AFF1: variants seen among roughly 807,000 people sequenced by gnomAD.
AFF1 encodes the protein ALF transcription elongation factor 1.
AFF1 carries 48 observed loss-of-function variants against 121.7 expected under a neutral mutation model. That is an observed-to-expected ratio of 0.39 (90% confidence interval 0.31 to 0.50). The LOEUF (loss-of-function observed/expected upper bound fraction) is 0.50. Ranked by LOEUF, AFF1 falls within the 20% of genes least tolerant of loss-of-function variation. AFF1 has a pLI of 0.76. For missense variants in AFF1, 1,523 were observed against 1,511.7 expected, an observed-to-expected ratio of 1.01 and a Z score of -0.12; for synonymous variants, 613 against 563.0, an observed-to-expected ratio of 1.09 and a Z score of -1.26.
intron 2 of AFF1, among the ~76,000 whole-genome samples, chr4:87,011,894 G>GT (rs1726802656): frequency 6.6e-6 from 1 of 152,194 alleles, no homozygotes; most frequent in Non-Finnish European, 1.5e-5. Context: ...ACTAACTCAA[G>GT]TGATCTCTCG....
intron 4 of AFF1, among the ~76,000 whole-genome samples, chr4:87,070,295 C>T (rs1721896935): frequency 6.6e-6 from 1 of 152,218 alleles, no homozygotes; most frequent in South Asian, 2.1e-4. Context: ...AGCCACTGCA[C>T]CCAGACCTAA....
chr4:87,115,556 A>G (rs1371358763), intron 12 of AFF1, among the ~76,000 whole-genome samples: 1 of 148,436 alleles, frequency 6.7e-6, no homozygotes, highest in Non-Finnish European at 1.5e-5. Flanking sequence ...GTCATTAAAA[A>G]CAATAGCTTC....
chr4:87,024,677 G>A (rs1041126932), intron 2 of AFF1, among the ~76,000 whole-genome samples: 1 of 152,072 alleles, frequency 6.6e-6, no homozygotes, highest in Non-Finnish European at 1.5e-5. Context: ...TGCAACCTCT[G>A]CCTCCTGGGT....
At position 87,060,255 on chromosome 4, in the gene AFF1, C is replaced by A. The variant is rs113401297; in HGVS notation, c.1059+12661C>A. Among the ~76,000 whole-genome samples, 134 of 152,250 alleles carry A rather than the reference C, an allele frequency of 8.8e-4. 3 individuals are homozygous for A. The highest frequency in any genetic ancestry group is 6.8e-3 in the Middle Eastern group (2 of 294). On this transcript the variant is annotated intron_variant, in intron 4 of 20. Coordinates refer to ENST00000395146, the MANE Select transcript of AFF1 (RefSeq NM_001166693.3). ...TTCAGAATTGAGCCTGGAGATTAATCAGATTGTTTTATGTGCTATAAAAGT... is the reference window on the plus strand; with the variant it reads ...TTCAGAATTGAGCCTGGAGATTAATAAGATTGTTTTATGTGCTATAAAAGT...
intron 4 of AFF1, among the ~76,000 whole-genome samples, chr4:87,051,415 CTTTT>C (rs5860052): frequency 7.1e-6 from 1 of 141,726 alleles, no homozygotes; most frequent in Non-Finnish European, 1.5e-5. Context: ...TTTCCTTTTT[CTTTT>C]TTTTTTTTTT....
intron 2 of AFF1, among the ~76,000 whole-genome samples, chr4:87,041,722 T>A (rs1238305897): frequency 6.6e-6 from 1 of 151,356 alleles, no homozygotes; most frequent in Non-Finnish European, 1.5e-5. Flanking sequence ...TATTGAAAGG[T>A]GATTATTGAC....
At chr4:86,956,132 C>A (rs1053123635) in intron 2 of AFF1, among the ~76,000 whole-genome samples, 3 of 152,168 alleles carry the variant, frequency 2.0e-5, no homozygotes, top group African/African-American at 7.2e-5. Flanking sequence ...AGGTTTCCTG[C>A]ATTTTCAAGT....
At chr4:87,086,727 G>T (rs771882163) in intron 5 of AFF1, among the ~76,000 whole-genome samples, 1 of 152,118 alleles carries the variant, frequency 6.6e-6, no homozygotes, top group Non-Finnish European at 1.5e-5. Flanking sequence ...TACTCTTGAC[G>T]CTGACCCAGA....
intron 1 of AFF1, chr4:86,935,704 A>G (rs1672361591): frequency 2.0e-5 from 3 of 150,678 alleles, no homozygotes; most frequent in Non-Finnish European, 1.5e-5. Flanking sequence ...TGTCGTGGAG[A>G]GAGATGAGGG....
intron 13 of AFF1, 37 bp downstream of exon 13, chr4:87,125,180 G>A: frequency 1.3e-6 from 2 of 1,507,462 alleles, no homozygotes; most frequent in Non-Finnish European, 1.8e-6. Flanking sequence ...AATCTACGGT[G>A]ATCAACACTT....
Position 87,001,207 on chromosome 4 carries a change from C to CTTTTTTTTTTTT in AFF1, c.39-44943_39-44932dup, listed in dbSNP as rs34072831. Among the ~76,000 whole-genome samples the CTTTTTTTTTTTT allele has an allele frequency of 1.2e-3, 71 of 60,316 alleles. 16 individuals carry two copies. Among genetic ancestry groups the CTTTTTTTTTTTT allele is most frequent in the Middle Eastern group, 0.042 (2 of 48 alleles). 39.6% of individuals were successfully genotyped at this position (60,316 alleles called of 152,430 possible). ...TGAGAGGACTGCTTTCCTTTTTCTA[C>CTTTTTTTTTTTT]TTTTTTTTTTTTTTTTTTTTTTTTT... On this transcript the variant is annotated intron_variant, in intron 2 of 20. Transcript: ENST00000395146.
At chr4:87,022,739 T>C (rs1048476824) in intron 2 of AFF1, among the ~76,000 whole-genome samples, 3 of 147,534 alleles carry the variant, frequency 2.0e-5, no homozygotes, top group African/African-American at 7.4e-5. Context: ...TATATATCTG[T>C]GTGTGTGTAT....
intron 17 of AFF1, among the ~76,000 whole-genome samples, chr4:87,131,500 C>G (rs533864947): frequency 1.4e-4 from 21 of 152,314 alleles, no homozygotes; most frequent in Non-Finnish European, 2.8e-4. Context: ...GAAGTGTCCT[C>G]TCCTCTCAGT....
intron 4 of AFF1, among the ~76,000 whole-genome samples, chr4:87,061,673 CTAG>C (rs1424714081): frequency 3.9e-5 from 6 of 152,314 alleles, no homozygotes; most frequent in Non-Finnish European, 7.4e-5. Flanking sequence ...CCAGACCTAA[CTAG>C]GCCCTTGATA....
intron 12 of AFF1, among the ~76,000 whole-genome samples, chr4:87,122,819 G>A (rs964132762): frequency 1.5e-5 from 2 of 134,936 alleles, no homozygotes; most frequent in South Asian, 4.8e-4. Flanking sequence ...AGCCACATAT[G>A]TAATTTAAAC....
intron 2 of AFF1, among the ~76,000 whole-genome samples, chr4:86,998,186 A>G (rs1470333686): frequency 6.6e-6 from 1 of 151,280 alleles, no homozygotes; most frequent in Non-Finnish European, 1.5e-5. Context: ...CCAATGGAAC[A>G]GGGCTCTATT....
At chr4:87,049,991 G>A (rs1354434212) in intron 4 of AFF1, among the ~76,000 whole-genome samples, 3 of 152,254 alleles carry the variant, frequency 2.0e-5, no homozygotes, top group African/African-American at 7.2e-5. Flanking sequence ...AGCAAAATGG[G>A]TATTTTTGAA....
At chr4:86,998,625 CTGTT>C (rs921574386) in intron 2 of AFF1, among the ~76,000 whole-genome samples, 8 of 152,018 alleles carry the variant, frequency 5.3e-5, no homozygotes, top group Non-Finnish European at 8.8e-5. Flanking sequence ...TGTATTGTAC[CTGTT>C]TTTTTTTCCT....
intron 6 of AFF1, among the ~76,000 whole-genome samples, chr4:87,091,126 C>T (rs558679490): frequency 4.6e-5 from 7 of 151,754 alleles, no homozygotes; most frequent in Middle Eastern, 3.4e-3. Flanking sequence ...ACTCATGGAC[C>T]GGGCATGGTG....
Sources: gnomAD v4.1 joint callset for allele counts (sites outside exome capture counted in the v4.1 genomes callset) on GRCh38, gnomAD v4.1.1 for gene constraint, MANE v1.5 for transcripts, NCBI Gene and HGNC (gene_info 2026-07-23, HGNC 2026-07-21) for gene names.